Variants in MET observed in about 807,000 individuals in gnomAD.
The protein encoded by MET is MET proto-oncogene, receptor tyrosine kinase.
In MET, 48 loss-of-function variants were observed where a neutral mutation model predicts 133.1. That is an observed-to-expected ratio of 0.36 (90% CI 0.29 to 0.46). The LOEUF is 0.46. Ranked by LOEUF, MET falls within the 20% of genes least tolerant of loss-of-function variation. The pLI, the probability that MET is intolerant of heterozygous loss-of-function variation, is 1.00. For synonymous variants in MET, 628 were observed against 616.5 expected (o/e 1.02, Z -0.28); for missense variants, 1,442 against 1,695.9 (o/e 0.85, Z 2.63).
At chr7:116,698,957 T>C in intron 1 of MET, 114 bp from the exon 2 acceptor site, 2 of 1,460,028 alleles carry the variant, frequency 1.4e-6, no homozygotes, top group Non-Finnish European at 1.9e-6. Flanking sequence ...TTTCCTTCTA[T>C]GTAAAAGTCC....
chr7:116,787,111 G>C (rs764206203), intron 19 of MET, among the ~76,000 whole-genome samples: 18 of 152,220 alleles, frequency 1.2e-4, no homozygotes, highest in Non-Finnish European at 2.4e-4. Flanking sequence ...AGATTGGTAA[G>C]AGAAAGTGAT....
intron 2 of MET, among the ~76,000 whole-genome samples, chr7:116,702,879 T>A (rs1335583090): frequency 6.6e-6 from 1 of 152,096 alleles, no homozygotes; most frequent in Non-Finnish European, 1.5e-5. Context: ...GATCAGATAA[T>A]GGGAGTGCCA....
chr7:116,743,321 A>G (rs936833179), intron 5 of MET, among the ~76,000 whole-genome samples: 16 of 152,188 alleles, frequency 1.1e-4, no homozygotes, highest in Admixed American at 2.0e-4. Context: ...TTGGGCAGAC[A>G]CCGAGCAGGA....
In MET at chr7:116,672,455, G is replaced by A. The variant is rs1196149751; in HGVS notation, c.-137G>A. ...GCGCTTTGTGAGCAGATGCGGAGCCGAGTGGAGGGCGCGAGCCAGATGCGG... is the reference window on the plus strand; with the variant it reads ...GCGCTTTGTGAGCAGATGCGGAGCCAAGTGGAGGGCGCGAGCCAGATGCGG... On this transcript the variant is annotated 5_prime_UTR_variant, in exon 1 of 21. Coordinates refer to ENST00000397752, the MANE Select transcript of MET (RefSeq NM_000245.4). 1.0e-5 allele frequency: 4 copies of A among 397,520 alleles called. No individual in the cohort carries two copies. Among genetic ancestry groups the A allele is most frequent in the Non-Finnish European group, 1.8e-5 (4 of 225,482 alleles). 24.6% of individuals were successfully genotyped at this position (397,520 alleles called of 1,614,324 possible).
chr7:116,680,462 A>G (rs535781579), intron 1 of MET, among the ~76,000 whole-genome samples: 1 of 152,336 alleles, frequency 6.6e-6, no homozygotes, highest in South Asian at 2.1e-4. Context: ...TGCCATATAT[A>G]GAAAATAGAT....
At chr7:116,738,417 A>G (rs1003344393) in intron 3 of MET, among the ~76,000 whole-genome samples, 1 of 152,120 alleles carries the variant, frequency 6.6e-6, no homozygotes. Context: ...CTGGTAATTG[A>G]ATTTCTGTTC....
Position 116,755,497 on chromosome 7 carries a change from G to A in MET, c.1844G>A (p.Ser615Asn), listed in dbSNP as rs1794144964. The A allele has an allele frequency of 6.2e-7, 1 of 1,614,128 alleles. No homozygotes were observed. The highest frequency in any genetic ancestry group is 8.5e-7 in the Non-Finnish European group (1 of 1,179,982). The change falls in exon 6 of 21, where the codon AGT becomes AAT. Residue 615 changes from serine (S) to asparagine (N), a missense_variant. Transcript: ENST00000397752. Reference sequence around the variant, plus strand: ...AATGAGAGCTGCACCTTGACTTTAAGTGAGAGCACGATGAATACGTAAGGA... The same window carrying A: ...AATGAGAGCTGCACCTTGACTTTAAATGAGAGCACGATGAATACGTAAGGA... The part of the protein sequence containing the change: ...LGNESCTLTL[S>N]ESTMNTLKCT...
At chr7:116,772,426 A>G (rs1794865017) in intron 14 of MET, among the ~76,000 whole-genome samples, 1 of 152,220 alleles carries the variant, frequency 6.6e-6, no homozygotes, top group South Asian at 2.1e-4. Flanking sequence ...ATGAACTGTT[A>G]GTACACAGCC....
At chr7:116,692,625 T>A (rs1374261878) in intron 1 of MET, among the ~76,000 whole-genome samples, 2 of 152,230 alleles carry the variant, frequency 1.3e-5, no homozygotes, top group African/African-American at 4.8e-5. Flanking sequence ...GTCGCTGGTT[T>A]TAAAGGTAGG....
At chr7:116,786,675 ATGT>A (rs1267952693) in intron 19 of MET, among the ~76,000 whole-genome samples, 1 of 152,244 alleles carries the variant, frequency 6.6e-6, no homozygotes, top group Non-Finnish European at 1.5e-5. Context: ...TTCTATTCAC[ATGT>A]TGTAAGTCAG....
rs2117111134 is a variant in MET at position 116,795,936 on chromosome 7, T to A, written c.3985T>A (p.Ser1329Thr). The A allele has an allele frequency of 6.2e-7, 1 of 1,614,198 alleles. No homozygotes were observed. The highest frequency in any genetic ancestry group is 8.5e-7 in the Non-Finnish European group (1 of 1,180,016). ...CWHPKAEMRP[S>T]FSELVSRISA... ...GCACCCTAAAGCCGAAATGCGCCCA[T>A]CCTTTTCTGAACTGGTGTCCCGGAT... Residue 1329 changes from serine to threonine, a missense_variant, in exon 21 of 21, where the codon TCC (serine) becomes ACC (threonine). Physicochemically the swap from Ser to Thr is moderately conservative, Grantham distance 58. This residue lies in a region of MET where 94 missense variants were observed against 109.5 expected (regional missense o/e 0.86). Coordinates refer to ENST00000397752, the MANE Select transcript of MET (RefSeq NM_000245.4).
chr7:116,758,557 G>A lies in MET; in HGVS notation c.2201G>A (p.Ser734Asn), dbSNP rs2116931801. 1 of 1,613,804 alleles carries A rather than the reference G, an allele frequency of 6.2e-7. No homozygotes were observed. Among genetic ancestry groups the A allele is most frequent in the Non-Finnish European group, 8.5e-7 (1 of 1,179,870 alleles). Residue 734 changes from serine to asparagine, a missense_variant, in exon 9 of 21, where the codon AGC becomes AAC. By Grantham distance (46) the Ser-to-Asn change is conservative (BLOSUM62 1). This residue lies in a region of MET where 514 missense variants were observed against 659.6 expected (regional missense o/e 0.78). Coordinates refer to ENST00000397752, the MANE Select transcript of MET (RefSeq NM_000245.4). ...ATTGACTTAGCCAACCGAGAGACAA[G>A]CATCTTCAGTTACCGTGAAGATCCC... ...LKIDLANRET[S>N]IFSYREDPIV...
chr7:116,744,974 A>T lies in MET; in HGVS notation c.1701+3949A>T, dbSNP rs544577796. On this transcript the variant is annotated intron_variant, in intron 5 of 20. Transcript: ENST00000397752. ...AAATAAAGGGTATTCAATTAGGAAA[A>T]GAGGAAGTCAAATTGTCCCTGTTTG... Among the ~76,000 whole-genome samples the T allele has an allele frequency of 4.3e-4, 65 of 152,350 alleles. 1 individual carries two copies. Among genetic ancestry groups the T allele is most frequent in the African/African-American group, 1.5e-3 (63 of 41,578 alleles).
At chr7:116,684,948 A>C (rs1796494348) in intron 1 of MET, among the ~76,000 whole-genome samples, 1 of 152,314 alleles carries the variant, frequency 6.6e-6, no homozygotes, top group African/African-American at 2.4e-5. Context: ...CCAGGTATGA[A>C]GTGACACTGC....
At position 116,699,648 on chromosome 7, in the gene MET, A is replaced by G. The variant is rs1791489742; in HGVS notation, c.564A>G (p.Val188=). Residue 188 remains valine, a synonymous_variant, in exon 2 of 21, where the codon GTA becomes GTG. Coordinates refer to ENST00000397752, the MANE Select transcript of MET (RefSeq NM_000245.4). ...TGGGAGCCAAAGTCCTTTCATCTGTAAAGGACCGGTTCATCAACTTCTTTG... is the reference window on the plus strand; with the variant it reads ...TGGGAGCCAAAGTCCTTTCATCTGTGAAGGACCGGTTCATCAACTTCTTTG... ...SALGAKVLSS[V]KDRFINFFVG... The G allele has an allele frequency of 6.2e-7, 1 of 1,614,022 alleles. No individual in the cohort carries two copies. The highest frequency in any genetic ancestry group is 1.1e-5 in the South Asian group (1 of 91,078).
At chr7:116,721,329 G>A (rs1328266523) in intron 2 of MET, among the ~76,000 whole-genome samples, 5 of 152,128 alleles carry the variant, frequency 3.3e-5, no homozygotes, top group African/African-American at 9.7e-5. Context: ...GATTGGTGGT[G>A]ATATCCCCTT....
chr7:116,764,151 C>T (rs1463110673), intron 11 of MET, among the ~76,000 whole-genome samples: 1 of 151,920 alleles, frequency 6.6e-6, no homozygotes, highest in Non-Finnish European at 1.5e-5. Flanking sequence ...TAATATGTTT[C>T]CATTGAAATT....
In MET at chr7:116,755,463, C is replaced by G. The variant is rs201861645; in HGVS notation, c.1810C>G (p.Leu604Val). 1.1e-5 allele frequency: 17 copies of G among 1,613,978 alleles called. No homozygotes were observed. The change falls in exon 6 of 21, where the codon CTC becomes GTC. Residue 604 changes from leucine (L) to valine (V), a missense_variant. Physicochemically the swap from Leu to Val is conservative, Grantham distance 32 (BLOSUM62 1). This residue lies in a region of MET where 762 missense variants were observed against 792.4 expected (regional missense o/e 0.96). Coordinates refer to ENST00000397752, the MANE Select transcript of MET (RefSeq NM_000245.4). ...NKFDLKKTRV[L>V]LGNESCTLTL... ...ATTTGATTTAAAGAAAACTAGAGTTCTCCTTGGAAATGAGAGCTGCACCTT... is the reference window on the plus strand; with the variant it reads ...ATTTGATTTAAAGAAAACTAGAGTTGTCCTTGGAAATGAGAGCTGCACCTT...
chr7:116,701,982 T>C (rs1195819987), intron 2 of MET, among the ~76,000 whole-genome samples: 1 of 152,156 alleles, frequency 6.6e-6, no homozygotes, highest in African/African-American at 2.4e-5. Flanking sequence ...GGTATATTGA[T>C]ATCTCATTTT....
Sources: allele counts gnomAD v4.1 joint callset (sites outside exome capture counted in the v4.1 genomes callset), GRCh38; gene constraint gnomAD v4.1.1; regional missense constraint gnomAD v4.1.1; transcripts MANE v1.5; gene names NCBI Gene and HGNC (gene_info 2026-07-23, HGNC 2026-07-21).